The following KHDRBS3 variants were observed in gnomAD, a reference collection of about 807,000 sequenced individuals.
KHDRBS3 encodes KH domain-containing, RNA-binding, signal transduction-associated protein 3.
KHDRBS3 carries 23 observed loss-of-function variants against 45.6 expected under a neutral mutation model. The observed-to-expected ratio is 0.50, with a 90% CI of 0.36 to 0.72. The LOEUF (loss-of-function observed/expected upper bound fraction) is 0.72. KHDRBS3 is among the 30% of genes least tolerant of loss of function. The pLI is 0.00. For synonymous variants in KHDRBS3, 162 were observed against 156.5 expected, an observed-to-expected ratio of 1.04 and a Z score of -0.26; for missense variants, 352 against 424.8, an observed-to-expected ratio of 0.83 and a Z score of 1.51.
At chr8:135,518,933 T>C (rs892649197) in intron 1 of KHDRBS3, among the ~76,000 whole-genome samples, 7 of 152,250 alleles carry the variant, frequency 4.6e-5, no homozygotes, top group Admixed American at 6.5e-5. Flanking sequence ...CATGTTCATG[T>C]ATTATTTTTA....
rs1380748232 is a variant in KHDRBS3, at chr8:135,582,003, C to T, written c.737C>T (p.Ala246Val). ...SRGRGLLTPR[A>V]RGVPPTGYRP... is the part of the protein sequence containing the mutation. ...GGAAGAGGACTTCTCACTCCCAGAGCAAGAGGAGTCCCCCCAACTGGGTAC... is the reference window on the plus strand; with the variant it reads ...GGAAGAGGACTTCTCACTCCCAGAGTAAGAGGAGTCCCCCCAACTGGGTAC... The change falls in exon 6 of 9, where the codon GCA becomes GTA. Residue 246 changes from alanine to valine, a missense_variant. By Grantham distance (64) the Ala-to-Val change is moderately conservative (BLOSUM62 0). Around this residue, in one of 6 missense-constraint regions of KHDRBS3, gnomAD observed 212 missense variants for 209.6 expected, o/e 1.01. Coordinates refer to ENST00000355849, the MANE Select transcript of KHDRBS3 (RefSeq NM_006558.3). The T allele has an allele frequency of 1.2e-6, 2 of 1,612,934 alleles. No homozygotes were observed. Among genetic ancestry groups the T allele is most frequent in the East Asian group, 4.5e-5 (2 of 44,784 alleles).
chr8:135,482,666 T>G (rs777556465), intron 1 of KHDRBS3, among the ~76,000 whole-genome samples: 6 of 152,104 alleles, frequency 3.9e-5, no homozygotes, highest in South Asian at 2.1e-4. Flanking sequence ...AGCTTGCTGT[T>G]TGAGATGATG....
At chr8:135,512,780 G>C (rs903649915) in intron 1 of KHDRBS3, among the ~76,000 whole-genome samples, 3 of 151,880 alleles carry the variant, frequency 2.0e-5, no homozygotes, top group African/African-American at 7.3e-5. Flanking sequence ...TTACCATCTT[G>C]TTGTTGGGCA....
At chr8:135,565,511 G>T (rs556909950) in intron 5 of KHDRBS3, among the ~76,000 whole-genome samples, 1 of 152,296 alleles carries the variant, frequency 6.6e-6, no homozygotes, top group Admixed American at 6.5e-5. Flanking sequence ...CAGATAGCTT[G>T]ATTGAACTCT....
At chr8:135,582,721 A>G (rs1828275925) in intron 6 of KHDRBS3, among the ~76,000 whole-genome samples, 1 of 152,244 alleles carries the variant, frequency 6.6e-6, no homozygotes, top group Admixed American at 6.5e-5. Flanking sequence ...CATATTAATA[A>G]TTGAAATTGT....
At chr8:135,580,775 G>T (rs1828168143) in intron 5 of KHDRBS3, among the ~76,000 whole-genome samples, 1 of 151,926 alleles carries the variant, frequency 6.6e-6, no homozygotes, top group Non-Finnish European at 1.5e-5. Context: ...ACCGTGCCCA[G>T]CTAATTTTTG....
chr8:135,615,715 TA>T (rs1829888486), intron 7 of KHDRBS3, among the ~76,000 whole-genome samples: 1 of 152,196 alleles, frequency 6.6e-6, no homozygotes, highest in Non-Finnish European at 1.5e-5. Context: ...CAAGTTTATT[TA>T]AAGTAAAAGA....
At chr8:135,506,697 T>G (rs1393991404) in intron 1 of KHDRBS3, among the ~76,000 whole-genome samples, 2 of 151,956 alleles carry the variant, frequency 1.3e-5, no homozygotes, top group Non-Finnish European at 2.9e-5. Flanking sequence ...CCACTGCACC[T>G]GGCTGAACTT....
intron 1 of KHDRBS3, among the ~76,000 whole-genome samples, chr8:135,491,668 G>C (rs531064617): frequency 1.3e-5 from 2 of 152,156 alleles, no homozygotes; most frequent in African/African-American, 4.8e-5. Context: ...ATAGATTAGC[G>C]CAGTGGTTCT....
intron 7 of KHDRBS3, among the ~76,000 whole-genome samples, chr8:135,620,098 G>A (rs982364606): frequency 1.5e-4 from 23 of 150,204 alleles, no homozygotes; most frequent in African/African-American, 5.4e-4. Context: ...ATTGAGACAG[G>A]GTATCAATCT....
intron 4 of KHDRBS3, among the ~76,000 whole-genome samples, chr8:135,555,235 A>G (rs1488021962): frequency 6.6e-6 from 1 of 152,176 alleles, no homozygotes; most frequent in Non-Finnish European, 1.5e-5. Context: ...CCTTTTCAGT[A>G]TACTCTGTGA....
chr8:135,578,124 T>G (rs1208574829), intron 5 of KHDRBS3, among the ~76,000 whole-genome samples: 2 of 152,204 alleles, frequency 1.3e-5, no homozygotes, highest in Non-Finnish European at 2.9e-5. Context: ...TTTCTGTGTT[T>G]TGGATACAAA....
chr8:135,625,549 A>C (rs1830320161), intron 7 of KHDRBS3: 1 of 916,374 alleles, frequency 1.1e-6, no homozygotes, highest in Non-Finnish European at 1.8e-6. Context: ...GTGTATTCAG[A>C]GCTGGAGCAA....
rs562055054 is a variant in KHDRBS3 at position 135,552,941 on chromosome 8, C to T, written c.471+4041C>T. On this transcript the variant is annotated intron_variant, in intron 4 of 8. Transcript: ENST00000355849. ...CAAGAAGACTCTCGCCATGTCCACCCTGGCTTTTCTGTTGCTCTGGGATGC... is the reference window on the plus strand; with the variant it reads ...CAAGAAGACTCTCGCCATGTCCACCTTGGCTTTTCTGTTGCTCTGGGATGC... Among the ~76,000 whole-genome samples the T allele has an allele frequency of 3.5e-4, 54 of 152,148 alleles. 1 individual carries two copies. The South Asian group carries it at 0.01, about 29-fold the overall frequency.
chr8:135,548,413 G>A (rs1826415258), intron 3 of KHDRBS3, among the ~76,000 whole-genome samples: 1 of 152,206 alleles, frequency 6.6e-6, no homozygotes, highest in Non-Finnish European at 1.5e-5. Context: ...CAAAAGAAGT[G>A]TGGGCAGTGG....
chr8:135,470,446 G>A (rs1821957169), intron 1 of KHDRBS3, among the ~76,000 whole-genome samples: 1 of 151,986 alleles, frequency 6.6e-6, no homozygotes. Flanking sequence ...CCCCTGCCCT[G>A]TGTTACACGG....
At chr8:135,575,171 A>T (rs1827893272) in intron 5 of KHDRBS3, among the ~76,000 whole-genome samples, 1 of 152,224 alleles carries the variant, frequency 6.6e-6, no homozygotes, top group African/African-American at 2.4e-5. Context: ...GCTGACGAAA[A>T]AGTGTTATTT....
chr8:135,521,947 C>G (rs938044026), intron 2 of KHDRBS3, among the ~76,000 whole-genome samples: 4 of 151,824 alleles, frequency 2.6e-5, no homozygotes, highest in African/African-American at 9.7e-5. Context: ...TTTTCTTTTT[C>G]TTTTTTTAAC....
At chr8:135,514,316 A>G (rs913090602) in intron 1 of KHDRBS3, among the ~76,000 whole-genome samples, 2 of 152,262 alleles carry the variant, frequency 1.3e-5, no homozygotes, top group African/African-American at 4.8e-5. Flanking sequence ...CACTCCAAAT[A>G]TCTGTCAACC....
Sources: gnomAD v4.1 joint callset for allele counts (sites outside exome capture counted in the v4.1 genomes callset) on GRCh38, gnomAD v4.1.1 for gene constraint, gnomAD v4.1.1 regional missense constraint, MANE v1.5 for transcripts, NCBI Gene and HGNC (gene_info 2026-07-23, HGNC 2026-07-21) for gene names.